MSH3: variants seen among roughly 807,000 people sequenced by gnomAD.
The protein encoded by MSH3 is mutS homolog 3, also known as DNA mismatch repair protein Msh3.
Under a neutral mutation model 123.3 loss-of-function variants are expected in MSH3, and 106 were observed. That is an observed-to-expected ratio of 0.86 (90% CI 0.73 to 1.01). The LOEUF (loss-of-function observed/expected upper bound fraction) is 1.01, where lower values mean the gene tolerates loss of function less well. MSH3 is among the 50% of genes least tolerant of loss of function. The pLI is 0.00. For missense variants in MSH3, 1,459 were observed against 1,347.6 expected (o/e 1.08, Z -1.29); for synonymous variants, 515 against 481.4 (o/e 1.07, Z -0.91).
At chr5:80,694,648 G>C (rs576903408) in intron 8 of MSH3, among the ~76,000 whole-genome samples, 1 of 151,496 alleles carries the variant, frequency 6.6e-6, no homozygotes, top group Non-Finnish European at 1.5e-5. Context: ...CATTCTTTTA[G>C]AGTAGCTCTG....
rs1241304788 is a variant in MSH3 at position 80,741,558 on chromosome 5, A to G, written c.1653+10A>G. 6 of 1,577,592 alleles carry G rather than the reference A, an allele frequency of 3.8e-6. No individual in the cohort carries two copies. Among genetic ancestry groups the G allele is most frequent in the South Asian group, 1.1e-5 (1 of 90,330 alleles). ...AATCCTACAGAATCAGGTCAGGCAAATACAAGGGCTAGTTGATTATAAATC... is the reference window on the plus strand; with the variant it reads ...AATCCTACAGAATCAGGTCAGGCAAGTACAAGGGCTAGTTGATTATAAATC... On this transcript the variant is annotated intron_variant, in intron 11 of 23. Coordinates refer to ENST00000265081, the MANE Select transcript of MSH3 (RefSeq NM_002439.5).
intron 19 of MSH3, among the ~76,000 whole-genome samples, chr5:80,804,730 G>A (rs532376473): frequency 6.6e-6 from 1 of 152,312 alleles, no homozygotes; most frequent in Admixed American, 6.5e-5. Flanking sequence ...CTGACCTGAA[G>A]CCAGCAGAAT....
At position 80,655,316 on chromosome 5, in the gene MSH3, T is replaced by A. The variant is rs567759003; in HGVS notation, c.237+352T>A. 3.4e-3 allele frequency: 841 copies of A among 246,366 alleles called. 11 individuals carry two copies. Among genetic ancestry groups the A allele is most frequent in the African/African-American group, 0.016 (737 of 45,812 alleles). 15.3% of individuals were successfully genotyped at this position (246,366 alleles called of 1,614,324 possible). A position where few individuals can be genotyped will look rare whatever the true frequency, so the allele number is the denominator to read the frequency against. ...TTTTTCCTTGGTGGTCGAAGAGTTT[T>A]ACTGATTTTTTAAAAAAGTGCTGGA... On this transcript the variant is annotated intron_variant, in intron 1 of 23. Transcript: ENST00000265081.
intron 19 of MSH3, among the ~76,000 whole-genome samples, chr5:80,810,172 C>CATATAT (rs113702568): frequency 0.18 from 22,219 of 121,326 alleles, 2,545 homozygotes; most frequent in Non-Finnish European, 0.23. Flanking sequence ...GTTTGACATA[C>CATATAT]ATATATATAT....
In MSH3 at chr5:80,768,392, T is replaced by C. The variant is rs6151802; in HGVS notation, c.2084+272T>C. On this transcript the variant is annotated intron_variant, in intron 14 of 23. Coordinates refer to ENST00000265081, the MANE Select transcript of MSH3 (RefSeq NM_002439.5). ...GTAAAACACAGGCAAAGCCAAGCAT[T>C]AGTAGTTTATTAACCCCAAAATGAG... Among the ~76,000 whole-genome samples the C allele has an allele frequency of 8.5e-5, 13 of 152,228 alleles. No homozygotes were observed. In the East Asian group the frequency reaches 2.5e-3, roughly 29 times the overall value.
chr5:80,784,188 C>T (rs1442675963), intron 17 of MSH3, among the ~76,000 whole-genome samples: 1 of 112,422 alleles, frequency 8.9e-6, no homozygotes, highest in Non-Finnish European at 1.7e-5. Flanking sequence ...CCAGCCTCGG[C>T]GAAAGAGCGA....
intron 8 of MSH3, among the ~76,000 whole-genome samples, chr5:80,694,205 G>A (rs1750416968): frequency 6.6e-6 from 1 of 152,140 alleles, no homozygotes; most frequent in Non-Finnish European, 1.5e-5. Flanking sequence ...GAAAATTTCA[G>A]TTGGAAAATA....
chr5:80,825,282 TTTTA>T (rs1451935263), intron 20 of MSH3, among the ~76,000 whole-genome samples: 1 of 152,168 alleles, frequency 6.6e-6, no homozygotes, highest in Non-Finnish European at 1.5e-5. Context: ...TTCTCTACAT[TTTTA>T]CTCACTGATG....
chr5:80,734,982 A>G (rs1743477803), intron 10 of MSH3, among the ~76,000 whole-genome samples: 1 of 152,196 alleles, frequency 6.6e-6, no homozygotes, highest in Admixed American at 6.5e-5. Flanking sequence ...GACATTTCTC[A>G]TGCAGTTACT....
In MSH3 at chr5:80,763,919, G is replaced by A. The variant is rs564828922; in HGVS notation, c.1896+2241G>A. On this transcript the variant is annotated intron_variant, in intron 13 of 23. Transcript: ENST00000265081. Reference sequence around the variant, plus strand: ...AATTTCAAAATATAGTTTACTAACGGAACTTATAACTCACTTGGAAGCCAT... The same window carrying A: ...AATTTCAAAATATAGTTTACTAACGAAACTTATAACTCACTTGGAAGCCAT... Among the ~76,000 whole-genome samples the A allele has an allele frequency of 3.2e-4, 48 of 152,334 alleles. 1 individual carries two copies. Among genetic ancestry groups the A allele is most frequent in the Non-Finnish European group, 5.6e-4 (38 of 68,030 alleles).
chr5:80,696,601 T>G (rs1289415564), intron 8 of MSH3, among the ~76,000 whole-genome samples: 1 of 152,192 alleles, frequency 6.6e-6, no homozygotes, highest in African/African-American at 2.4e-5. Flanking sequence ...CCAAGTTCAC[T>G]AGCTGGTCTG....
chr5:80,751,634 T>G (rs1476093103), intron 12 of MSH3, among the ~76,000 whole-genome samples: 1 of 152,200 alleles, frequency 6.6e-6, no homozygotes, highest in African/African-American at 2.4e-5. Flanking sequence ...GCTTGCTGTA[T>G]GTATGTCCCT....
intron 8 of MSH3, among the ~76,000 whole-genome samples, chr5:80,684,459 A>T (rs1210202325): frequency 1.3e-5 from 2 of 151,586 alleles, no homozygotes; most frequent in Non-Finnish European, 2.9e-5. Flanking sequence ...TACTTTTTTG[A>T]TTTCTTTTTC....
At chr5:80,755,079 A>T (rs932858474) in intron 12 of MSH3, among the ~76,000 whole-genome samples, 1 of 152,106 alleles carries the variant, frequency 6.6e-6, no homozygotes, top group Non-Finnish European at 1.5e-5. Flanking sequence ...ACTGCTCGGA[A>T]ATGGGAAGGG....
intron 20 of MSH3, among the ~76,000 whole-genome samples, chr5:80,822,825 G>A (rs944798758): frequency 1.3e-5 from 2 of 152,196 alleles, no homozygotes; most frequent in African/African-American, 4.8e-5. Context: ...TCTCATGGAA[G>A]ATGCACATCC....
At chr5:80,768,446 A>G (rs1312137945) in intron 14 of MSH3, among the ~76,000 whole-genome samples, 2 of 152,150 alleles carry the variant, frequency 1.3e-5, no homozygotes, top group Non-Finnish European at 1.5e-5. Flanking sequence ...CATTTCCTAT[A>G]TTTCCAGAGA....
intron 20 of MSH3, among the ~76,000 whole-genome samples, chr5:80,831,983 G>A (rs566589810): frequency 2.0e-5 from 3 of 151,980 alleles, no homozygotes; most frequent in South Asian, 2.1e-4. Flanking sequence ...GTGGCGGGGC[G>A]CCTATAGTCC....
intron 8 of MSH3, among the ~76,000 whole-genome samples, chr5:80,709,209 ATG>A (rs139977038): frequency 0.23 from 33,111 of 146,758 alleles, 3,635 homozygotes; most frequent in East Asian, 0.27. Flanking sequence ...TAAAATAGAT[ATG>A]TGTGTGTGTG....
chr5:80,847,743 C>T (rs577406748), intron 20 of MSH3, among the ~76,000 whole-genome samples: 3 of 152,232 alleles, frequency 2.0e-5, no homozygotes, highest in South Asian at 2.1e-4. Context: ...CTTATTTCAG[C>T]GTAGGGGCAT....
Sources: gnomAD v4.1 joint callset for allele counts (sites outside exome capture counted in the v4.1 genomes callset) on GRCh38, gnomAD v4.1.1 for gene constraint, MANE v1.5 for transcripts, NCBI Gene and HGNC (gene_info 2026-07-23, HGNC 2026-07-21) for gene names.